NCOR2: variants seen among roughly 807,000 people sequenced by gnomAD.
NCOR2 encodes the protein CTG repeat protein 26.
In NCOR2, 81 loss-of-function variants were observed where a neutral mutation model predicts 262.9. The ratio of observed to expected loss-of-function variants is 0.31; its 90% CI spans 0.26 to 0.37. The LOEUF is 0.37. Among genes scored for constraint, NCOR2 ranks in the 10% least tolerant of loss-of-function variants. The probability of loss-of-function intolerance (pLI) is 1.00; values close to 1 mark genes in which losing one functional copy is unlikely to be tolerated. For missense variants in NCOR2, 3,385 were observed against 3,621.4 expected, an observed-to-expected ratio of 0.93 and a Z score of 1.68; for synonymous variants, 1,659 against 1,559.3, an observed-to-expected ratio of 1.06 and a Z score of -1.51.
rs558264054 is a variant in NCOR2, at chr12:124,333,068, G to A, written c.6755+62C>T. The A allele has an allele frequency of 7.4e-5, 113 of 1,525,648 alleles. No individual in the cohort carries two copies. In the South Asian group the frequency reaches 1.4e-3, roughly 19 times the overall value. 94.5% of individuals were successfully genotyped at this position (1,525,648 alleles called of 1,614,324 possible). ...CCACATGGCACCACGGTGGACTGGG[G>A]CCAAGGATGGGCAAGGGATACCAGA... is the stretch of plus-strand genomic sequence containing the variant. On this transcript the variant is annotated intron_variant, in intron 42 of 46. Transcript: ENST00000405201.
chr12:124,325,610 G>C, intron 46 of NCOR2, 27 bp from the exon 49 acceptor site: 2 of 1,263,356 alleles, frequency 1.6e-6, no homozygotes, highest in Non-Finnish European at 1.0e-6. Context: ...AAGATGCCCA[G>C]GAGGCCTCTG....
rs1416962083 is a variant in NCOR2, at chr12:124,340,587, G to A, written c.5338+15C>T. 1 of 1,505,336 alleles carries A rather than the reference G, an allele frequency of 6.6e-7. No individual in the cohort carries two copies. The highest frequency in any genetic ancestry group is 2.2e-5 in the Admixed American group (1 of 45,166). The allele number at this position is 1,505,336 out of a possible 1,614,324, so 93.2% of individuals were successfully genotyped here. On this transcript the variant is annotated intron_variant, in intron 35 of 46. Transcript: ENST00000405201. ...GATGCCGGGGTCCCCACCCCAGACT[G>A]GGCAGTGGCGCTACCTGGGGAGAGT...
rs369884472 is a variant in NCOR2 at position 124,542,269 on chromosome 12, T to C, written c.-164-6658A>G. Among the ~76,000 whole-genome samples, 12 of 151,896 alleles carry C rather than the reference T, an allele frequency of 7.9e-5. No individual in the cohort carries two copies. The East Asian group carries it at 2.1e-3, about 27-fold the overall frequency. ...GGGGCTCCTGTGCCTCCAGGACCCA[T>C]GATTACTCAAGCCCAGGGCTCAGTA... On this transcript the variant is annotated intron_variant, in intron 1 of 32. Transcript: ENST00000458234.
At chr12:124,342,114 C>A (rs773016985) in intron 33 of NCOR2, 40 bp from the exon 36 acceptor site, 2 of 1,575,384 alleles carry the variant, frequency 1.3e-6, no homozygotes, top group Non-Finnish European at 1.7e-6. Context: ...CCAGCCATAC[C>A]TAGGCCTGAT....
At chr12:124,333,046 C>T (rs1367846008) in intron 42 of NCOR2, 84 bp downstream of exon 44, 1 of 1,493,698 alleles carries the variant, frequency 6.7e-7, no homozygotes, top group Non-Finnish European at 9.0e-7. Context: ...TCACTCTCCA[C>T]ATGGCACCAC....
At chr12:124,412,018 C>T (rs971279480) in intron 13 of NCOR2, among the ~76,000 whole-genome samples, 1 of 152,222 alleles carries the variant, frequency 6.6e-6, no homozygotes, top group South Asian at 2.1e-4. Context: ...TGGCACCCTC[C>T]ATTAAACAAG....
At chr12:124,351,101 GGGCAGGCGGGGACTTGAACCCA>G (rs2037414814) in intron 27 of NCOR2, among the ~76,000 whole-genome samples, 1 of 152,160 alleles carries the variant, frequency 6.6e-6, no homozygotes, top group Non-Finnish European at 1.5e-5. Context: ...GGCTAATAAG[GGGCAGGCGGGGACTTGAACCCA>G]GGCATTCTGG....
intron 43 of NCOR2, among the ~76,000 whole-genome samples, 170 bp from the exon 46 acceptor site, chr12:124,331,068 T>TC (rs1566348935): frequency 6.6e-6 from 1 of 151,036 alleles, no homozygotes; most frequent in Non-Finnish European, 1.5e-5. Flanking sequence ...CATTTCTTTT[T>TC]TTTTTTTTTT....
At chr12:124,470,137 G>A (rs1371483768) in intron 4 of NCOR2, among the ~76,000 whole-genome samples, 1 of 148,288 alleles carries the variant, frequency 6.7e-6, no homozygotes, top group Non-Finnish European at 1.5e-5. Flanking sequence ...CTGCACTCCA[G>A]CCTGGGCAAC....
At chr12:124,497,953 C>A (rs891307665), upstream of NCOR2, among the ~76,000 whole-genome samples, 4 of 152,198 alleles carry the variant, frequency 2.6e-5, no homozygotes, top group Non-Finnish European at 4.4e-5. The surrounding 1 kb of genome is among the most constrained non-coding windows in gnomAD (Gnocchi z 4.2). Context: ...GGACCCAGCC[C>A]TGTTCTAAAA....
At chr12:124,384,878 T>C (rs1461713541) in intron 17 of NCOR2, among the ~76,000 whole-genome samples, 1 of 151,834 alleles carries the variant, frequency 6.6e-6, no homozygotes, top group Admixed American at 6.6e-5. Flanking sequence ...TCTGTATCGA[T>C]GAGGAAACAC....
At chr12:124,356,922 C>T in intron 22 of NCOR2, 140 bp from the exon 25 acceptor site, 2 of 1,099,162 alleles carry the variant, frequency 1.8e-6, no homozygotes, top group East Asian at 3.2e-5. Flanking sequence ...CTCCGGGAAG[C>T]CCCCCAAGTC....
intron 16 of NCOR2, among the ~76,000 whole-genome samples, chr12:124,392,692 C>T (rs1044795759): frequency 6.6e-6 from 1 of 152,260 alleles, no homozygotes; most frequent in South Asian, 2.1e-4. Context: ...CAGCCCAAGG[C>T]TTTCCCAGTG....
rs2137104903 is a variant in NCOR2, at chr12:124,523,613, A to G, written c.-118+11952T>C. Among the ~76,000 whole-genome samples the G allele has an allele frequency of 6.7e-6, 1 of 150,238 alleles. No homozygotes were observed. The highest frequency in any genetic ancestry group is 2.0e-4 in the East Asian group (1 of 5,100). On this transcript the variant is annotated intron_variant, in intron 1 of 46. Transcript: ENST00000404621. The surrounding 1 kb of genome is among the most constrained non-coding windows in gnomAD (Gnocchi z 4.0). ...ACTGTCTCGGATCACACATAACACT[A>G]ACACTAACCATAGCTGATGAACTAA...
chr12:124,480,205 C>G (rs2047372829), intron 3 of NCOR2, among the ~76,000 whole-genome samples: 1 of 152,240 alleles, frequency 6.6e-6, no homozygotes, highest in Non-Finnish European at 1.5e-5. Context: ...CCGCCCACCC[C>G]TACTCCCGCT....
At chr12:124,423,296 G>A (rs76843111) in intron 11 of NCOR2, among the ~76,000 whole-genome samples, 5,238 of 152,280 alleles carry the variant, frequency 0.034, 271 homozygotes, top group African/African-American at 0.11. Context: ...AGGCCCAGGC[G>A]TCCCGGCGAC....
At chr12:124,334,167 T>C (rs1262586869) in intron 41 of NCOR2, among the ~76,000 whole-genome samples, 2 of 152,190 alleles carry the variant, frequency 1.3e-5, no homozygotes, top group Admixed American at 1.3e-4. Context: ...GCTGCCTATG[T>C]CTCCTGGGGG....
At chr12:124,535,012 G>A (rs1246591986) in intron 1 of NCOR2, among the ~76,000 whole-genome samples, 1 of 152,254 alleles carries the variant, frequency 6.6e-6, no homozygotes, top group Admixed American at 6.5e-5. Flanking sequence ...TACAGATGGA[G>A]AAACAGAGAT....
At chr12:124,497,187 CCCCTTCAACTGGCTGCTGTCCA>C (rs2048424285), upstream of NCOR2, among the ~76,000 whole-genome samples, 1 of 152,182 alleles carries the variant, frequency 6.6e-6, no homozygotes, top group South Asian at 2.1e-4. The surrounding 1 kb of genome is among the most constrained non-coding windows in gnomAD (Gnocchi z 4.2). Flanking sequence ...GAGGAGGCCA[CCCCTTCAACTGGCTGCTGTCCA>C]TCCTTCAAAC....
Sources: allele counts gnomAD v4.1 joint callset (sites outside exome capture counted in the v4.1 genomes callset), GRCh38; gene constraint gnomAD v4.1.1; non-coding constraint Gnocchi (gnomAD v3.1); transcripts MANE v1.5; gene names NCBI Gene and HGNC (gene_info 2026-07-23, HGNC 2026-07-21).